Variants in ROBO1 observed in about 807,000 individuals in gnomAD.
ROBO1 encodes roundabout homolog 1.
ROBO1 carries 149 observed loss-of-function variants against 195.9 expected under a neutral mutation model. The observed-to-expected ratio is 0.76, with a 90% CI of 0.67 to 0.87. The LOEUF (loss-of-function observed/expected upper bound fraction) is 0.87, where lower values mean the gene tolerates loss of function less well. ROBO1 is among the 40% of genes least tolerant of loss of function. ROBO1 has a pLI of 0.00. For synonymous variants in ROBO1, 816 were observed against 733.2 expected (o/e 1.11, Z -1.82); for missense variants, 1,933 against 2,068.3 (o/e 0.93, Z 1.27).
chr3:79,754,199 T>C (rs112840175), intron 1 of ROBO1, among the ~76,000 whole-genome samples: 2 of 152,268 alleles, frequency 1.3e-5, no homozygotes, highest in African/African-American at 4.8e-5. Context: ...AAGGAAATGG[T>C]TGTCTCTGAA....
At chr3:78,950,499 C>T (rs1277125115) in intron 3 of ROBO1, among the ~76,000 whole-genome samples, 3 of 107,648 alleles carry the variant, frequency 2.8e-5, no homozygotes, top group African/African-American at 7.6e-5. Flanking sequence ...CATCACACAT[C>T]GAGGCCTGTT....
chr3:79,546,395 G>A (rs562269537), intron 2 of ROBO1, among the ~76,000 whole-genome samples: 1 of 152,020 alleles, frequency 6.6e-6, no homozygotes, highest in African/African-American at 2.4e-5. Context: ...GTTGTTCAAA[G>A]GTTAAATGTA....
intron 4 of ROBO1, among the ~76,000 whole-genome samples, chr3:78,877,844 C>G (rs1400986148): frequency 6.6e-6 from 1 of 152,168 alleles, no homozygotes; most frequent in East Asian, 1.9e-4. Context: ...GAAAAGGTAA[C>G]ATTAGTATAA....
intron 2 of ROBO1, among the ~76,000 whole-genome samples, chr3:79,399,189 G>A (rs924462998): frequency 6.6e-6 from 1 of 152,120 alleles, no homozygotes; most frequent in African/African-American, 2.4e-5. Flanking sequence ...ATAAGTCTGT[G>A]TAGATACAAA....
At chr3:78,627,786 T>C (rs1036554185) in intron 25 of ROBO1, among the ~76,000 whole-genome samples, 1 of 152,172 alleles carries the variant, frequency 6.6e-6, no homozygotes, top group Non-Finnish European at 1.5e-5. Flanking sequence ...TAGCATGTTA[T>C]AGGGTCTTAG....
intron 2 of ROBO1, among the ~76,000 whole-genome samples, chr3:79,176,718 C>A (rs549216176): frequency 3.9e-5 from 6 of 152,254 alleles, no homozygotes; most frequent in South Asian, 4.1e-4. Context: ...GCTCGGCCCC[C>A]CAAAGGGCTG....
intron 4 of ROBO1, among the ~76,000 whole-genome samples, chr3:78,826,069 T>C (rs1467038656): frequency 6.6e-6 from 1 of 152,310 alleles, no homozygotes; most frequent in East Asian, 1.9e-4. Context: ...CATATTTTAC[T>C]TTCCCTGATA....
chr3:78,671,603 A>T (rs2107722226), intron 10 of ROBO1, among the ~76,000 whole-genome samples: 1 of 152,150 alleles, frequency 6.6e-6, no homozygotes, highest in South Asian at 2.1e-4. Flanking sequence ...ACTAAAAAAA[A>T]AAAAAGAAAA....
chr3:78,698,456 T>C (rs2081349480), intron 8 of ROBO1, among the ~76,000 whole-genome samples: 1 of 152,208 alleles, frequency 6.6e-6, no homozygotes, highest in Admixed American at 6.5e-5. Flanking sequence ...ATTTTTAGAA[T>C]ATATTTAATG....
chr3:78,836,854 A>G (rs1043569189), intron 4 of ROBO1, among the ~76,000 whole-genome samples: 1 of 152,302 alleles, frequency 6.6e-6, no homozygotes, highest in African/African-American at 2.4e-5. Flanking sequence ...CATAACTTCT[A>G]AAATCATTTT....
chr3:78,737,097 G>A (rs1309068440), intron 5 of ROBO1, among the ~76,000 whole-genome samples: 2 of 152,090 alleles, frequency 1.3e-5, no homozygotes, highest in Admixed American at 6.6e-5. Context: ...CCCAATAAAG[G>A]TACACATAGA....
intron 8 of ROBO1, among the ~76,000 whole-genome samples, chr3:78,690,754 A>G (rs368861032): frequency 6.6e-6 from 1 of 152,132 alleles, no homozygotes; most frequent in East Asian, 1.9e-4. Context: ...TGACTTTCCA[A>G]TATGCAGGGA....
In ROBO1 at chr3:78,970,364, A is replaced by G. The variant is rs543139169; in HGVS notation, c.173-31437T>C. Reference sequence around the variant, plus strand: ...TTTGATGCTGGCTAAACAGACCAAAATAATTTCTGATTTAGAATAATACTA... The same window carrying G: ...TTTGATGCTGGCTAAACAGACCAAAGTAATTTCTGATTTAGAATAATACTA... On this transcript the variant is annotated intron_variant, in intron 3 of 30. Coordinates refer to ENST00000464233, the MANE Select transcript of ROBO1 (RefSeq NM_002941.4). Among the ~76,000 whole-genome samples, 47 of 152,276 alleles carry G rather than the reference A, an allele frequency of 3.1e-4. 1 individual carries two copies. Among genetic ancestry groups the G allele is most frequent in the African/African-American group, 1.0e-3 (43 of 41,570 alleles).
chr3:78,667,024 T>C (rs149663507), intron 14 of ROBO1, among the ~76,000 whole-genome samples: 2 of 152,268 alleles, frequency 1.3e-5, no homozygotes, highest in East Asian at 1.9e-4. Flanking sequence ...TTATTTACAA[T>C]GACGTGATTT....
chr3:79,130,112 T>C (rs1576713532), intron 2 of ROBO1, among the ~76,000 whole-genome samples: 1 of 22,204 alleles, frequency 4.5e-5, no homozygotes, highest in Admixed American at 4.9e-4. Flanking sequence ...AGTCAGGTAG[T>C]GTGATGCCTC....
intron 3 of ROBO1, among the ~76,000 whole-genome samples, chr3:78,955,663 T>C (rs903740066): frequency 3.3e-5 from 5 of 152,170 alleles, no homozygotes; most frequent in African/African-American, 1.2e-4. Flanking sequence ...CTTTTTGCAT[T>C]AGGCAATCAT....
intron 2 of ROBO1, among the ~76,000 whole-genome samples, chr3:79,314,078 T>C (rs2033617987): frequency 2.0e-5 from 3 of 152,194 alleles, no homozygotes; most frequent in Non-Finnish European, 2.9e-5. Context: ...ATAGAGATTG[T>C]CCTTCTGTGA....
intron 4 of ROBO1, among the ~76,000 whole-genome samples, chr3:78,805,139 T>C (rs2108595999): frequency 6.6e-6 from 1 of 152,306 alleles, no homozygotes; most frequent in Admixed American, 6.5e-5. Flanking sequence ...ATCCTTTCTC[T>C]ATCACTTGAA....
intron 3 of ROBO1, among the ~76,000 whole-genome samples, chr3:79,099,870 A>T (rs192847665): frequency 6.6e-6 from 1 of 151,786 alleles, no homozygotes; most frequent in Admixed American, 6.6e-5. Flanking sequence ...TTTTGAGAGG[A>T]GGAAATAACT....
Sources: allele counts gnomAD v4.1 joint callset (sites outside exome capture counted in the v4.1 genomes callset), GRCh38; gene constraint gnomAD v4.1.1; transcripts MANE v1.5; gene names NCBI Gene and HGNC (gene_info 2026-07-23, HGNC 2026-07-21).